MYO7A: variants seen among roughly 807,000 people sequenced by gnomAD.
The protein encoded by MYO7A is unconventional myosin-VIIa.
In MYO7A, 210 loss-of-function variants were observed where a neutral mutation model predicts 263.8. The observed-to-expected ratio is 0.80, with a 90% CI of 0.71 to 0.89. The LOEUF (loss-of-function observed/expected upper bound fraction) is 0.89. Among genes scored for constraint, MYO7A ranks in the 40% least tolerant of loss-of-function variants. The pLI is 0.00. For synonymous variants in MYO7A, 1,239 were observed against 1,197.3 expected, an observed-to-expected ratio of 1.03 and a Z score of -0.72; for missense variants, 2,820 against 2,968.3, an observed-to-expected ratio of 0.95 and a Z score of 1.16.
At position 77,179,963 on chromosome 11, in the gene MYO7A, C is replaced by T; in HGVS notation, c.2586+10C>T. 6.6e-7 allele frequency: 1 copy of T among 1,515,982 alleles called. No individual in the cohort carries two copies. Among genetic ancestry groups the T allele is most frequent in the Non-Finnish European group, 8.8e-7 (1 of 1,130,850 alleles). 93.9% of individuals were successfully genotyped at this position (1,515,982 alleles called of 1,614,324 possible). The stretch of plus-strand genomic sequence containing the variant: ...ACGCCTCAGGGCTGAGGTGAGGGAG[C>T]AAGTCCATAGCACCCACAGCTCTGA... On this transcript the variant is annotated intron_variant, in intron 21 of 48. Coordinates refer to ENST00000409709, the MANE Select transcript of MYO7A (RefSeq NM_000260.4).
Position 77,193,102 on chromosome 11 carries a change from TGATGCTGTTGGTGATGGTGGAGGTAGC to T in MYO7A, c.4152+840_4152+866del, listed in dbSNP as rs1565443863. 1.4e-4 allele frequency among the ~76,000 whole-genome samples: 15 copies of T among 103,518 alleles called. 3 individuals are homozygous for T. Among genetic ancestry groups the T allele is most frequent in the South Asian group, 5.7e-4 (2 of 3,502 alleles). 67.9% of individuals were successfully genotyped at this position (103,518 alleles called of 152,430 possible). On this transcript the variant is annotated intron_variant, in intron 31 of 48. Transcript: ENST00000409709. ...TAGTTGTTTGTGATGGTGGAGGTAG[TGATGCTGTTGGTGATGGTGGAGGTAGC>T]GATGCTGTTGGTGATCGTGGAGGTA...
rs1555084161 is a variant in MYO7A, at chr11:77,181,448, G to T, written c.2763G>T (p.Arg921=). The change falls in exon 23 of 49, where the codon CGG becomes CGT. Residue 921 remains arginine (R), a synonymous_variant. Coordinates refer to ENST00000409709, the MANE Select transcript of MYO7A (RefSeq NM_000260.4). Reference sequence around the variant, plus strand: ...TGAAGGAGAAGGAGGCCGCTCGGCGGAAGAAGGAGCTCCTGGAGCAGATGG... The same window carrying T: ...TGAAGGAGAAGGAGGCCGCTCGGCGTAAGAAGGAGCTCCTGGAGCAGATGG... ...RELKEKEAAR[R]KKELLEQMER... The T allele has an allele frequency of 6.2e-7, 1 of 1,608,026 alleles. No homozygotes were observed. Among genetic ancestry groups the T allele is most frequent in the Admixed American group, 1.7e-5 (1 of 59,100 alleles).
At chr11:77,187,019 C>T (rs1003339068) in intron 27 of MYO7A, among the ~76,000 whole-genome samples, 7 of 151,942 alleles carry the variant, frequency 4.6e-5, no homozygotes, top group Non-Finnish European at 4.4e-5. Flanking sequence ...AATCAGGAGG[C>T]GTGAGGAGAG....
At position 77,214,836 on chromosome 11, in the gene MYO7A, C is replaced by A; in HGVS notation, c.*140C>A. 1 of 646,858 alleles carries A rather than the reference C, an allele frequency of 1.5e-6. No individual in the cohort carries two copies. The highest frequency in any genetic ancestry group is 2.7e-6 in the Non-Finnish European group (1 of 376,548). 40.1% of individuals were successfully genotyped at this position (646,858 alleles called of 1,614,324 possible). On this transcript the variant is annotated 3_prime_UTR_variant, in exon 49 of 49. Transcript: ENST00000409709. ...GCTGGCCAGCCACCACTGACTATAC[C>A]AACTGGGCCTCTGATGTTCTTCCAG...
At chr11:77,212,885 A>T in intron 46 of MYO7A, 67 bp from the exon 47 acceptor site, 1 of 1,289,122 alleles carries the variant, frequency 7.8e-7, no homozygotes, top group South Asian at 1.3e-5. Flanking sequence ...GCCAGGCTTC[A>T]TTCCTGTCCC....
chr11:77,203,303 C>A, intron 38 of MYO7A, 86 bp downstream of exon 38: 1 of 1,434,756 alleles, frequency 7.0e-7, no homozygotes. Flanking sequence ...TGAGGGCCTG[C>A]TGCGACCCGG....
rs1956014499 is a variant in MYO7A, at chr11:77,190,882, C to CACCTCCTCCT, written c.3924+12_3924+13insACCTCCTCCT. 6.5e-7 allele frequency: 1 copy of CACCTCCTCCT among 1,534,308 alleles called. No homozygotes were observed. On this transcript the variant is annotated intron_variant, in intron 30 of 48. Transcript: ENST00000409709. ...CCCTGTTTGACAAGGTATGGCCGCC[C>CACCTCCTCCT]GGAAGCACCTCCTCCCGGAAGCACC...
Position 77,182,067 on chromosome 11 carries a change from C to G in MYO7A, c.3021C>G (p.Thr1007=). Residue 1007 remains threonine (T), a synonymous_variant, in exon 24 of 49, where the codon ACC becomes ACG. Transcript: ENST00000409709. ...SEYKFAKFAA[T]YFQGTTTHSY... ...ATAAATTTGCCAAGTTCGCGGCCACCTACTTCCAGGGGACAACCACGCACT... is the reference window on the plus strand; with the variant it reads ...ATAAATTTGCCAAGTTCGCGGCCACGTACTTCCAGGGGACAACCACGCACT... 1 of 1,613,362 alleles carries G rather than the reference C, an allele frequency of 6.2e-7. No homozygotes were observed. The highest frequency in any genetic ancestry group is 8.5e-7 in the Non-Finnish European group (1 of 1,179,722).
intron 48 of MYO7A, among the ~76,000 whole-genome samples, chr11:77,214,257 C>T (rs577335507): frequency 2.6e-5 from 4 of 152,292 alleles, no homozygotes; most frequent in South Asian, 2.1e-4. Context: ...TTTAGCCCCC[C>T]GAGTTCAACA....
At position 77,205,447 on chromosome 11, in the gene MYO7A, C is replaced by T. The variant is rs727504955; in HGVS notation, c.5481-15C>T. ...TGGCAGCTGCCCCTGCTGGAGCCCA[C>T]GCCTCCTCCTGCAGGTACAGCGAGG... is the stretch of plus-strand genomic sequence containing the variant. On this transcript the variant is annotated splice_polypyrimidine_tract_variant and intron_variant, in intron 39 of 48. Coordinates refer to ENST00000409709, the MANE Select transcript of MYO7A (RefSeq NM_000260.4). 2.4e-5 allele frequency: 38 copies of T among 1,553,840 alleles called. No individual in the cohort carries two copies. Among genetic ancestry groups the T allele is most frequent in the Non-Finnish European group, 2.8e-5 (32 of 1,148,674 alleles).
intron 11 of MYO7A, 137 bp from the exon 12 acceptor site, chr11:77,160,836 C>A: frequency 1.0e-6 from 1 of 956,952 alleles, no homozygotes; most frequent in South Asian, 1.6e-5. Flanking sequence ...GGGAACAGCT[C>A]AAGTAAAGGG....
intron 14 of MYO7A, among the ~76,000 whole-genome samples, chr11:77,163,984 G>C (rs1412390364): frequency 6.6e-6 from 1 of 152,086 alleles, no homozygotes; most frequent in Non-Finnish European, 1.5e-5. Flanking sequence ...AACAAGGTGG[G>C]GGGGGCTTGA....
At chr11:77,135,160 A>G (rs1442451138) in intron 2 of MYO7A, among the ~76,000 whole-genome samples, 2 of 152,178 alleles carry the variant, frequency 1.3e-5, no homozygotes, top group African/African-American at 4.8e-5. Context: ...ACCACTATCA[A>G]TTTCTGCAAT....
At chr11:77,197,972 T>C (rs1956789303) in intron 33 of MYO7A, among the ~76,000 whole-genome samples, 2 of 152,200 alleles carry the variant, frequency 1.3e-5, no homozygotes, top group African/African-American at 2.4e-5. Context: ...TGAGTGAGGA[T>C]TGATTCATTA....
At chr11:77,154,100 C>A (rs1326323239) in intron 4 of MYO7A, among the ~76,000 whole-genome samples, 1 of 152,186 alleles carries the variant, frequency 6.6e-6, no homozygotes, top group Admixed American at 6.5e-5. Flanking sequence ...GGCGACAGAG[C>A]GAGACTCTGC....
chr11:77,203,055 G>A lies in MYO7A; in HGVS notation c.5169-5G>A, dbSNP rs727505232. 1.2e-4 allele frequency: 182 copies of A among 1,547,596 alleles called. 2 individuals carry two copies. In the South Asian group the frequency reaches 1.6e-3, roughly 13 times the overall value. ...GCGTTGCTGACGGTCCCTGTGCTGC[G>A]GCAGGCCCCCACCCAAGCACACGCT... On this transcript the variant is annotated splice_region_variant and splice_polypyrimidine_tract_variant and intron_variant, in intron 37 of 48. Coordinates refer to ENST00000409709, the MANE Select transcript of MYO7A (RefSeq NM_000260.4).
chr11:77,213,093 G>A (rs935416072), intron 47 of MYO7A, 58 bp downstream of exon 47: 30 of 1,377,572 alleles, frequency 2.2e-5, no homozygotes, highest in South Asian at 1.0e-4. Context: ...CCACAGACAC[G>A]GTCCCAGAAC....
Position 77,174,832 on chromosome 11 carries a change from G to A in MYO7A, c.2012G>A (p.Gly671Asp). Residue 671 changes from glycine to aspartate, a missense_variant, in exon 17 of 49, where the codon GGC becomes GAC. Coordinates refer to ENST00000409709, the MANE Select transcript of MYO7A (RefSeq NM_000260.4). ...MMETIRIRRA[G>D]YPIRYSFVEF... is the part of the protein sequence containing the mutation. ...GAGACCATCCGAATCCGCCGAGCTGGCTACCCCATCCGCTACAGCTTCGTA... is the reference window on the plus strand; with the variant it reads ...GAGACCATCCGAATCCGCCGAGCTGACTACCCCATCCGCTACAGCTTCGTA... The A allele has an allele frequency of 6.2e-7, 1 of 1,613,542 alleles. No homozygotes were observed. Among genetic ancestry groups the A allele is most frequent in the Non-Finnish European group, 8.5e-7 (1 of 1,179,846 alleles).
intron 15 of MYO7A, among the ~76,000 whole-genome samples, 200 bp downstream of exon 15, chr11:77,166,362 A>G (rs971358328): frequency 5.3e-5 from 8 of 152,184 alleles, no homozygotes; most frequent in Non-Finnish European, 1.0e-4. Flanking sequence ...AACTGGGGAT[A>G]TGGCTGGGGT....
Sources: allele counts gnomAD v4.1 joint callset (sites outside exome capture counted in the v4.1 genomes callset), GRCh38; gene constraint gnomAD v4.1.1; transcripts MANE v1.5; gene names NCBI Gene and HGNC (gene_info 2026-07-23, HGNC 2026-07-21).